PIAS4: variants seen among roughly 807,000 people sequenced by gnomAD.
PIAS4 encodes protein inhibitor of activated STAT 4.
Under a neutral mutation model 58.0 loss-of-function variants are expected in PIAS4, and 7 were observed. The ratio of observed to expected loss-of-function variants is 0.12; its 90% confidence interval spans 0.07 to 0.23. PIAS4 has a LOEUF of 0.23. Ranked by LOEUF, PIAS4 falls within the 10% of genes least tolerant of loss-of-function variation. PIAS4 has a pLI of 1.00. For missense variants in PIAS4, 550 were observed against 709.5 expected (o/e 0.78, Z 2.55); for synonymous variants, 364 against 312.4 (o/e 1.17, Z -1.74).
intron 2 of PIAS4, chr19:4,017,919 C>T (rs1239572547): frequency 6.6e-6 from 1 of 152,362 alleles, no homozygotes; most frequent in Non-Finnish European, 1.5e-5. Context: ...AGGTGATCCA[C>T]CTACCTTGGC....
intron 9 of PIAS4, among the ~76,000 whole-genome samples, chr19:4,035,752 TC>T (rs1568221556): frequency 9.0e-4 from 54 of 59,752 alleles, no homozygotes; most frequent in East Asian, 3.0e-3. Flanking sequence ...GTCCACACCA[TC>T]ACACACACAC....
chr19:4,007,862 C>A, intron 1 of PIAS4, 75 bp downstream of exon 1: 1 of 1,120,948 alleles, frequency 8.9e-7, no homozygotes, highest in Non-Finnish European at 1.1e-6. Context: ...TCGAGGTCTG[C>A]GCCTTCTGTC....
intron 1 of PIAS4, among the ~76,000 whole-genome samples, chr19:4,011,077 A>G (rs1379387090): frequency 6.6e-6 from 1 of 152,220 alleles, no homozygotes; most frequent in Non-Finnish European, 1.5e-5. Flanking sequence ...TGGGGCAGCC[A>G]GGAGCCGGAA....
chr19:4,008,391 T>A (rs2039963242), intron 1 of PIAS4, among the ~76,000 whole-genome samples: 2 of 151,956 alleles, frequency 1.3e-5, no homozygotes, highest in South Asian at 4.1e-4. Flanking sequence ...CGGCACGTCC[T>A]CTTGGGGTCT....
At chr19:4,028,881 C>G (rs1370851017) in intron 6 of PIAS4, 33 bp downstream of exon 6, 1 of 1,612,840 alleles carries the variant, frequency 6.2e-7, no homozygotes, top group Admixed American at 1.7e-5. Context: ...ACCCTGCCCC[C>G]CAACCCCGGC....
rs968504884 is a variant in PIAS4, at chr19:4,033,365, G to A, written c.982-55G>A. 2.3e-5 allele frequency: 34 copies of A among 1,499,070 alleles called. 1 individual carries two copies. The highest frequency in any genetic ancestry group is 6.9e-5 in the African/African-American group (5 of 72,268). 92.9% of individuals were successfully genotyped at this position (1,499,070 alleles called of 1,614,324 possible). ...GATGGAGCTGGGGGTGAGGGGCACC[G>A]GGCAGGCGGGCACAACAGGAGGGGT... On this transcript the variant is annotated intron_variant, in intron 8 of 10. Coordinates refer to ENST00000262971, the MANE Select transcript of PIAS4 (RefSeq NM_015897.4).
intron 3 of PIAS4, among the ~76,000 whole-genome samples, chr19:4,026,876 C>T (rs2040169987): frequency 1.3e-5 from 2 of 152,026 alleles, no homozygotes; most frequent in African/African-American, 4.8e-5. Context: ...GAGACAGAGT[C>T]ACACTCCGAG....
chr19:4,016,592 T>A (rs2040055360), intron 2 of PIAS4, among the ~76,000 whole-genome samples: 1 of 152,046 alleles, frequency 6.6e-6, no homozygotes, highest in Non-Finnish European at 1.5e-5. Flanking sequence ...GGGGCAGCTG[T>A]CAGTAGCAGG....
Position 4,037,023 on chromosome 19 carries a change from A to G in PIAS4, c.1143-351A>G, listed in dbSNP as rs2040304904. ...GATACACTCACGTCCACACACGCTCAAACATGCGTGCACACCCGGAGGTGC... is the reference window on the plus strand; with the variant it reads ...GATACACTCACGTCCACACACGCTCGAACATGCGTGCACACCCGGAGGTGC... On this transcript the variant is annotated intron_variant, in intron 9 of 10. Coordinates refer to ENST00000262971, the MANE Select transcript of PIAS4 (RefSeq NM_015897.4). The surrounding 1 kb of genome is among the most constrained non-coding windows in gnomAD (Gnocchi z 5.8). Among the ~76,000 whole-genome samples, 1 of 151,770 alleles carries G rather than the reference A, an allele frequency of 6.6e-6. No homozygotes were observed. Among genetic ancestry groups the G allele is most frequent in the South Asian group, 2.1e-4 (1 of 4,822 alleles).
At position 4,028,170 on chromosome 19, in the gene PIAS4, C is replaced by T. The variant is rs201647511; in HGVS notation, c.564C>T (p.Ala188=). ...GGGAACTGCAGCCCGGAGTTAAAGC[C>T]GTGCAGGTCGTCCTGAGGTATGCCC... is the stretch of plus-strand genomic sequence containing the variant. ...NSRELQPGVK[A]VQVVLRICYS... is the part of the protein sequence containing the mutation. Residue 188 remains alanine (A), a synonymous_variant, in exon 4 of 11, where the codon GCC becomes GCT. Coordinates refer to ENST00000262971, the MANE Select transcript of PIAS4 (RefSeq NM_015897.4). The T allele has an allele frequency of 5.0e-6, 8 of 1,612,984 alleles. No individual in the cohort carries two copies. The Admixed American group carries it at 6.7e-5, about 13-fold the overall frequency.
In PIAS4 at chr19:4,008,192, G is replaced by A. The variant is rs139955190; in HGVS notation, c.27+405G>A. 3.9e-5 allele frequency among the ~76,000 whole-genome samples: 6 copies of A among 152,220 alleles called. No individual in the cohort carries two copies. The East Asian group carries it at 1.2e-3, about 30-fold the overall frequency. On this transcript the variant is annotated intron_variant, in intron 1 of 10. Coordinates refer to ENST00000262971, the MANE Select transcript of PIAS4 (RefSeq NM_015897.4). The stretch of plus-strand genomic sequence containing the variant: ...CCGGGGTCCTTGCTTTTTGGCTGGT[G>A]TGTTGGGGGGAGTGTCTGCGCCTCC...
intron 2 of PIAS4, 41 bp from the exon 3 acceptor site, chr19:4,023,995 C>T: frequency 1.4e-6 from 2 of 1,394,062 alleles, no homozygotes; most frequent in East Asian, 2.3e-5. Flanking sequence ...GGGGGACCTG[C>T]CAGGGACCAG....
intron 3 of PIAS4, among the ~76,000 whole-genome samples, chr19:4,027,259 G>T (rs1187198828): frequency 6.6e-6 from 1 of 152,144 alleles, no homozygotes; most frequent in Non-Finnish European, 1.5e-5. Context: ...AAGTGCCAGG[G>T]TTACTGGCGT....
intron 2 of PIAS4, among the ~76,000 whole-genome samples, chr19:4,022,432 CT>C (rs1254067369): frequency 6.6e-6 from 1 of 152,108 alleles, no homozygotes; most frequent in East Asian, 1.9e-4. Flanking sequence ...TCACTGCAAG[CT>C]TCGCCTCCCT....
chr19:4,013,389 A>G lies in PIAS4; in HGVS notation c.454+40A>G, dbSNP rs1481998930. On this transcript the variant is annotated intron_variant, in intron 2 of 10. Transcript: ENST00000262971. The surrounding 1 kb of genome is among the most constrained non-coding windows in gnomAD (Gnocchi z 5.1). ...TGGGGAGGCTGCGACTGGAGGCTTC[A>G]CCTAGGCCCCGTCGCCCAGCCCAGC... 2 of 1,557,558 alleles carry G rather than the reference A, an allele frequency of 1.3e-6. No homozygotes were observed. Among genetic ancestry groups the G allele is most frequent in the Non-Finnish European group, 1.8e-6 (2 of 1,139,790 alleles).
intron 7 of PIAS4, 106 bp from the exon 8 acceptor site, chr19:4,032,994 G>A (rs2040236543): frequency 1.1e-6 from 1 of 870,728 alleles, no homozygotes; most frequent in Non-Finnish European, 1.9e-6. Flanking sequence ...CATCGTCAGG[G>A]GCCTGTTCTG....
chr19:4,024,495 A>G (rs1178069270), intron 3 of PIAS4, among the ~76,000 whole-genome samples: 2 of 152,200 alleles, frequency 1.3e-5, no homozygotes, highest in Admixed American at 1.3e-4. Flanking sequence ...GTCCCCAGAC[A>G]TTGTCCAGTG....
chr19:4,036,738 C>T (rs1380617754), intron 9 of PIAS4, among the ~76,000 whole-genome samples: 1 of 151,520 alleles, frequency 6.6e-6, no homozygotes, highest in Non-Finnish European at 1.5e-5. Flanking sequence ...TCCACACCAT[C>T]ACATGCACAC....
At position 4,038,060 on chromosome 19, in the gene PIAS4, A is replaced by AT; in HGVS notation, c.*185_*186insT. 1.8e-6 allele frequency: 1 copy of AT among 564,800 alleles called. No individual in the cohort carries two copies. Among genetic ancestry groups the AT allele is most frequent in the Non-Finnish European group, 3.0e-6 (1 of 336,580 alleles). 35.0% of individuals were successfully genotyped at this position (564,800 alleles called of 1,614,324 possible). On this transcript the variant is annotated 3_prime_UTR_variant, in exon 11 of 11. Coordinates refer to ENST00000262971, the MANE Select transcript of PIAS4 (RefSeq NM_015897.4). This position sits in a 1 kb window ranked among gnomAD's most constrained non-coding sequence, Gnocchi z 4.1. The stretch of plus-strand genomic sequence containing the variant: ...CTCCTATCGGGGGATTAAAAAAAAA[A>AT]GTAAAATGACAAAAAAAGATACAAA...
Sources: gnomAD v4.1 joint callset for allele counts (sites outside exome capture counted in the v4.1 genomes callset) on GRCh38, gnomAD v4.1.1 for gene constraint, Gnocchi (gnomAD v3.1) non-coding constraint, MANE v1.5 for transcripts, NCBI Gene and HGNC (gene_info 2026-07-23, HGNC 2026-07-21) for gene names.